The following LRFN5 variants were observed in gnomAD, a reference collection of about 807,000 sequenced individuals.
The protein encoded by LRFN5 is leucine rich repeat and fibronectin type III domain containing 5.
A neutral mutation model predicts 45.6 loss-of-function variants in LRFN5; 24 were observed. The observed-to-expected ratio is 0.53, with a 90% CI of 0.38 to 0.74. The LOEUF (loss-of-function observed/expected upper bound fraction) is 0.74. Among genes scored for constraint, LRFN5 ranks in the 30% least tolerant of loss-of-function variants. The pLI is 0.00. For synonymous variants in LRFN5, 340 were observed against 313.8 expected, an observed-to-expected ratio of 1.08 and a Z score of -0.88; for missense variants, 776 against 861.5, an observed-to-expected ratio of 0.90 and a Z score of 1.24.
intron 1 of LRFN5, among the ~76,000 whole-genome samples, chr14:41,616,832 A>G (rs1012634033): frequency 3.3e-5 from 5 of 152,108 alleles, no homozygotes; most frequent in African/African-American, 9.7e-5. Flanking sequence ...GACTCCTTCA[A>G]TATATATGTT....
At chr14:41,697,903 G>A (rs1056813744) in intron 1 of LRFN5, among the ~76,000 whole-genome samples, 3 of 151,858 alleles carry the variant, frequency 2.0e-5, no homozygotes, top group Non-Finnish European at 4.4e-5. Flanking sequence ...AAAAATATGA[G>A]AGTTATAGAA....
At chr14:41,658,875 T>G (rs1200453894) in intron 1 of LRFN5, among the ~76,000 whole-genome samples, 2 of 151,982 alleles carry the variant, frequency 1.3e-5, no homozygotes, top group African/African-American at 4.8e-5. Context: ...AAGATCAAAG[T>G]TGGTTTATCT....
At chr14:41,734,316 T>TTATTTATATATA (rs1441190358) in intron 1 of LRFN5, among the ~76,000 whole-genome samples, 1 of 38,768 alleles carries the variant, frequency 2.6e-5, no homozygotes, top group African/African-American at 5.3e-5. Flanking sequence ...TGGACTGGTT[T>TTATTTATATATA]TATATATATA....
At chr14:41,799,542 C>T (rs539659601) in intron 2 of LRFN5, among the ~76,000 whole-genome samples, 4 of 152,066 alleles carry the variant, frequency 2.6e-5, no homozygotes, top group African/African-American at 9.6e-5. Context: ...ATACTATAAC[C>T]CCTCTTCTAC....
At chr14:41,844,423 C>T (rs866861701) in intron 2 of LRFN5, among the ~76,000 whole-genome samples, 13 of 130,506 alleles carry the variant, frequency 1.0e-4, no homozygotes, top group African/African-American at 3.9e-4. Context: ...GGTGACAGAG[C>T]AAGACTCCGT....
chr14:41,858,510 T>C (rs1346778285), intron 2 of LRFN5, among the ~76,000 whole-genome samples: 1 of 151,000 alleles, frequency 6.6e-6, no homozygotes, highest in African/African-American at 2.4e-5. Context: ...GTTTTTTTTT[T>C]CCGCCATAGG....
At chr14:41,657,232 GC>G (rs1880420876) in intron 1 of LRFN5, among the ~76,000 whole-genome samples, 1 of 151,828 alleles carries the variant, frequency 6.6e-6, no homozygotes, top group South Asian at 2.1e-4. Context: ...TGATATTTCA[GC>G]TTTTATGTTT....
intron 2 of LRFN5, among the ~76,000 whole-genome samples, chr14:41,828,293 CA>C (rs924975481): frequency 1.9e-4 from 29 of 151,848 alleles, no homozygotes; most frequent in African/African-American, 5.8e-4. Flanking sequence ...TGTGTTTTCT[CA>C]AAAAAATAAT....
intron 1 of LRFN5, among the ~76,000 whole-genome samples, chr14:41,727,103 AC>A (rs1284604280): frequency 1.3e-5 from 2 of 152,172 alleles, no homozygotes; most frequent in African/African-American, 4.8e-5. Flanking sequence ...ATCACCATTG[AC>A]CTTTTACAGT....
At chr14:41,735,752 C>T (rs1340965134) in intron 1 of LRFN5, among the ~76,000 whole-genome samples, 1 of 151,994 alleles carries the variant, frequency 6.6e-6, no homozygotes, top group Non-Finnish European at 1.5e-5. Flanking sequence ...CTATCCCTCG[C>T]CTTGTCCCCC....
At chr14:41,629,487 C>A (rs1389616935) in intron 1 of LRFN5, among the ~76,000 whole-genome samples, 2 of 152,158 alleles carry the variant, frequency 1.3e-5, no homozygotes, top group Non-Finnish European at 2.9e-5. Flanking sequence ...TTAGGTTAGA[C>A]AAATACCATT....
chr14:41,739,714 G>A (rs1283689929), intron 1 of LRFN5, among the ~76,000 whole-genome samples: 4 of 149,282 alleles, frequency 2.7e-5, no homozygotes, highest in African/African-American at 4.9e-5. Context: ...AACAAAGATC[G>A]GAGCAGAAAT....
At chr14:41,724,279 A>C (rs1400753924) in intron 1 of LRFN5, among the ~76,000 whole-genome samples, 1 of 152,142 alleles carries the variant, frequency 6.6e-6, no homozygotes, top group Non-Finnish European at 1.5e-5. Flanking sequence ...CTGGTATTCC[A>C]TCTTGGGAAA....
intron 1 of LRFN5, among the ~76,000 whole-genome samples, chr14:41,709,093 C>T (rs1276109837): frequency 4.1e-5 from 4 of 96,610 alleles, no homozygotes; most frequent in East Asian, 4.0e-4. Context: ...CCAACTGTTT[C>T]TTCCACTTAG....
At chr14:41,639,768 ATT>A in intron 1 of LRFN5, among the ~76,000 whole-genome samples, 1 of 151,896 alleles carries the variant, frequency 6.6e-6, no homozygotes, top group East Asian at 1.9e-4. Context: ...ACTTTTATTA[ATT>A]TTAATTAACT....
At chr14:41,856,675 A>ATTATTATTATTATTATTTTTTTTTT in intron 2 of LRFN5, among the ~76,000 whole-genome samples, 2 of 18,326 alleles carry the variant, frequency 1.1e-4, no homozygotes, top group African/African-American at 2.6e-4. Flanking sequence ...TATTATTATT[A>ATTATTATTATTATTATTTTTTTTTT]TTTTTTTTTT....
intron 1 of LRFN5, among the ~76,000 whole-genome samples, chr14:41,708,418 C>T (rs1056295798): frequency 2.0e-5 from 3 of 151,928 alleles, no homozygotes; most frequent in African/African-American, 7.2e-5. Flanking sequence ...AGATTAAGAA[C>T]TTTTAAAAAC....
At chr14:41,818,694 C>A (rs1256797002) in intron 2 of LRFN5, among the ~76,000 whole-genome samples, 1 of 152,042 alleles carries the variant, frequency 6.6e-6, no homozygotes, top group East Asian at 1.9e-4. Flanking sequence ...TGTTATCTCT[C>A]CAAATATTTT....
chr14:41,654,102 A>G (rs893686087), intron 1 of LRFN5, among the ~76,000 whole-genome samples: 1 of 152,148 alleles, frequency 6.6e-6, no homozygotes, highest in Admixed American at 6.6e-5. Context: ...AATGTAAATG[A>G]TGAGTTAATG....
Sources: allele counts gnomAD v4.1 joint callset (sites outside exome capture counted in the v4.1 genomes callset), GRCh38; gene constraint gnomAD v4.1.1; transcripts MANE v1.5; gene names NCBI Gene and HGNC (gene_info 2026-07-23, HGNC 2026-07-21).